LARS2: variants seen among roughly 807,000 people sequenced by gnomAD.
LARS2 encodes the protein leucyl-tRNA synthetase 2, mitochondrial, also known as leucine--tRNA ligase, mitochondrial.
LARS2 carries 81 observed loss-of-function variants against 116.6 expected under a neutral mutation model. The observed-to-expected ratio is 0.69, with a 90% CI of 0.58 to 0.84. The LOEUF (loss-of-function observed/expected upper bound fraction) is 0.84. LARS2 is among the 40% of genes least tolerant of loss of function. LARS2 has a pLI of 0.00. For synonymous variants in LARS2, 396 were observed against 407.2 expected, an observed-to-expected ratio of 0.97 and a Z score of 0.33; for missense variants, 968 against 1,114.5, an observed-to-expected ratio of 0.87 and a Z score of 1.87.
chr3:45,459,009 G>A (rs1699264942), intron 8 of LARS2, 123 bp downstream of exon 8: 2 of 947,654 alleles, frequency 2.1e-6, no homozygotes, highest in Admixed American at 2.2e-5. Context: ...GGGAGCCATG[G>A]ATGTACAGAC....
chr3:45,517,085 G>A (rs113015473), intron 17 of LARS2, among the ~76,000 whole-genome samples: 2,719 of 152,240 alleles, frequency 0.018, 72 homozygotes, highest in African/African-American at 0.058. Context: ...TGGGAAGTGT[G>A]GTCTGGAACA....
chr3:45,541,713 A>C, intron 20 of LARS2, 116 bp from the exon 21 acceptor site: 5 of 1,344,640 alleles, frequency 3.7e-6, no homozygotes, highest in Non-Finnish European at 5.0e-6. Context: ...CTGGCTTCCC[A>C]CCGGCTCCTC....
chr3:45,537,918 G>C (rs561524334), intron 20 of LARS2, among the ~76,000 whole-genome samples: 39 of 152,292 alleles, frequency 2.6e-4, no homozygotes, highest in Middle Eastern at 3.4e-3. Flanking sequence ...GGGAAGGAAG[G>C]GGGTGGGCTG....
In LARS2 at chr3:45,513,125, C is replaced by G; in HGVS notation, c.1761-10C>G. On this transcript the variant is annotated splice_polypyrimidine_tract_variant and intron_variant, in intron 15 of 21. Transcript: ENST00000645846. ...TCCTCCTGTTTTCTTTTCCTGTCAT[C>G]TTTCCTCAGGGAGCCTTTTCATAAG... 1 of 1,590,466 alleles carries G rather than the reference C, an allele frequency of 6.3e-7. No homozygotes were observed. Among genetic ancestry groups the G allele is most frequent in the Non-Finnish European group, 8.6e-7 (1 of 1,158,376 alleles).
intron 21 of LARS2, among the ~76,000 whole-genome samples, chr3:45,542,197 C>T (rs570719217): frequency 6.6e-6 from 1 of 152,294 alleles, no homozygotes; most frequent in Admixed American, 6.5e-5. Context: ...CCCTCAAGTG[C>T]TTGGAAAGGG....
chr3:45,513,858 G>A (rs1700330034), intron 16 of LARS2, among the ~76,000 whole-genome samples: 1 of 152,122 alleles, frequency 6.6e-6, no homozygotes, highest in Admixed American at 6.5e-5. Flanking sequence ...CAGGTGCCAT[G>A]GTGAGGATGT....
chr3:45,465,264 C>T (rs1293395786), intron 8 of LARS2, among the ~76,000 whole-genome samples: 1 of 152,118 alleles, frequency 6.6e-6, no homozygotes, highest in Admixed American at 6.5e-5. Flanking sequence ...TTCTGTTTTC[C>T]CTGCCTCTCC....
intron 10 of LARS2, among the ~76,000 whole-genome samples, chr3:45,479,012 T>C (rs1436290952): frequency 6.6e-6 from 1 of 152,132 alleles, no homozygotes; most frequent in East Asian, 1.9e-4. Context: ...AATGTCAGAT[T>C]TTAAGGATGA....
chr3:45,475,388 C>T (rs945498980), intron 9 of LARS2, among the ~76,000 whole-genome samples: 7 of 152,242 alleles, frequency 4.6e-5, no homozygotes, highest in Admixed American at 1.3e-4. Context: ...AATACAAATC[C>T]TGGACTGAGC....
chr3:45,393,217 C>T (rs854191), intron 2 of LARS2, among the ~76,000 whole-genome samples: 125,018 of 152,112 alleles, frequency 0.82, 52,571 homozygotes, highest in African/African-American at 0.95. Flanking sequence ...TTTTGTTTCT[C>T]ATCTGCCTCC....
chr3:45,413,239 T>C (rs1307490961), intron 4 of LARS2, among the ~76,000 whole-genome samples: 1 of 152,214 alleles, frequency 6.6e-6, no homozygotes. Context: ...TTCCGTCCTC[T>C]TGTCAGAAAG....
At chr3:45,405,863 G>T (rs1031943328) in intron 4 of LARS2, among the ~76,000 whole-genome samples, 1 of 152,176 alleles carries the variant, frequency 6.6e-6, no homozygotes, top group Non-Finnish European at 1.5e-5. Context: ...CCATCTCTGT[G>T]GCTGGGAGAA....
intron 20 of LARS2, among the ~76,000 whole-genome samples, chr3:45,534,236 G>A (rs1342861184): frequency 1.3e-5 from 2 of 152,096 alleles, no homozygotes; most frequent in African/African-American, 2.4e-5. Context: ...GTGAGGAGTC[G>A]TATGTACCAG....
At chr3:45,498,712 G>C (rs367556491) in intron 14 of LARS2, among the ~76,000 whole-genome samples, 30 of 152,260 alleles carry the variant, frequency 2.0e-4, no homozygotes, top group African/African-American at 7.0e-4. Context: ...CTCAAGGGAC[G>C]GCATTACCTT....
At chr3:45,476,253 G>T (rs1002000413) in intron 9 of LARS2, among the ~76,000 whole-genome samples, 1 of 152,098 alleles carries the variant, frequency 6.6e-6, no homozygotes, top group African/African-American at 2.4e-5. Context: ...GCCTGGTGTG[G>T]GGCAAGTGGT....
chr3:45,457,380 C>T (rs967625346), intron 7 of LARS2, among the ~76,000 whole-genome samples: 1 of 152,196 alleles, frequency 6.6e-6, no homozygotes, highest in Non-Finnish European at 1.5e-5. Context: ...ATTAGAATTG[C>T]TTATTAAAAA....
At chr3:45,521,316 A>G (rs1257635900) in intron 19 of LARS2, among the ~76,000 whole-genome samples, 1 of 152,022 alleles carries the variant, frequency 6.6e-6, no homozygotes, top group Non-Finnish European at 1.5e-5. Context: ...AAAACAAAGT[A>G]AAAAAATAAA....
chr3:45,430,003 CTTTTTTTTT>C (rs66989698), intron 6 of LARS2, among the ~76,000 whole-genome samples: 8 of 56,954 alleles, frequency 1.4e-4, no homozygotes, highest in South Asian at 1.0e-3. Context: ...TGCCCAGCCT[CTTTTTTTTT>C]TTTTTTTTTT....
At position 45,419,780 on chromosome 3, in the gene LARS2, TG is replaced by T. The variant is rs761527070; in HGVS notation, c.516+53del. The T allele has an allele frequency of 4.9e-6, 7 of 1,415,040 alleles. No homozygotes were observed. In the African/African-American group the frequency reaches 5.6e-5, roughly 11 times the overall value. 87.7% of individuals were successfully genotyped at this position (1,415,040 alleles called of 1,614,324 possible). On this transcript the variant is annotated intron_variant, in intron 6 of 21. Coordinates refer to ENST00000645846, the MANE Select transcript of LARS2 (RefSeq NM_015340.4). ...GTCGTCATTTTAAGGAAGGACTTGATGGCAGGGAGCACTCTTCTTCCTCTTT... is the reference window on the plus strand; with the variant it reads ...GTCGTCATTTTAAGGAAGGACTTGATGCAGGGAGCACTCTTCTTCCTCTTT...
Sources: allele counts gnomAD v4.1 joint callset (sites outside exome capture counted in the v4.1 genomes callset), GRCh38; gene constraint gnomAD v4.1.1; transcripts MANE v1.5; gene names NCBI Gene and HGNC (gene_info 2026-07-23, HGNC 2026-07-21).